Variants in IREB2 observed in about 807,000 individuals in gnomAD.
The protein encoded by IREB2 is iron responsive element binding protein 2.
Under a neutral mutation model 118.8 loss-of-function variants are expected in IREB2, and 39 were observed. That is an observed-to-expected ratio of 0.33 (90% confidence interval 0.25 to 0.43). IREB2 has a LOEUF of 0.43. Ranked by LOEUF, IREB2 falls within the 20% of genes least tolerant of loss-of-function variation. IREB2 has a pLI of 1.00. For missense variants in IREB2, 900 were observed against 1,147.3 expected (o/e 0.78, Z 3.11); for synonymous variants, 372 against 392.2 (o/e 0.95, Z 0.61).
intron 3 of IREB2, among the ~76,000 whole-genome samples, chr15:78,464,960 A>G (rs1270496029): frequency 2.0e-5 from 3 of 152,192 alleles, no homozygotes; most frequent in Non-Finnish European, 4.4e-5. Context: ...AGGTGCATCA[A>G]AAAAATACAT....
chr15:78,437,984 T>C (rs2050778123), upstream of IREB2, among the ~76,000 whole-genome samples: 1 of 152,194 alleles, frequency 6.6e-6, no homozygotes, highest in African/African-American at 2.4e-5. Flanking sequence ...CGCAACTAAG[T>C]AACGGATCGC....
chr15:78,496,738 C>T (rs2051844245), intron 20 of IREB2, among the ~76,000 whole-genome samples: 1 of 152,052 alleles, frequency 6.6e-6, no homozygotes, highest in Admixed American at 6.6e-5. Flanking sequence ...CCCTATATAC[C>T]TTCTTTATTC....
chr15:78,451,910 G>A (rs181901960), intron 2 of IREB2, among the ~76,000 whole-genome samples: 5 of 152,120 alleles, frequency 3.3e-5, no homozygotes, highest in East Asian at 1.9e-4. Flanking sequence ...TGATCCACTC[G>A]CCTCAACCTC....
intron 2 of IREB2, among the ~76,000 whole-genome samples, chr15:78,445,140 T>TA (rs1555448660): frequency 0.035 from 5,116 of 145,054 alleles, 130 homozygotes; most frequent in African/African-American, 0.056. Context: ...GTCTTTATTT[T>TA]TTTTTTTTTT....
At position 78,481,522 on chromosome 15, in the gene IREB2, A is replaced by ATTTT. The variant is rs145058390; in HGVS notation, c.1297-1783_1297-1780dup. Among the ~76,000 whole-genome samples, 499 of 137,942 alleles carry ATTTT rather than the reference A, an allele frequency of 3.6e-3. 5 individuals are homozygous for ATTTT. Among genetic ancestry groups the ATTTT allele is most frequent in the African/African-American group, 0.011 (422 of 37,166 alleles). The allele number at this position is 137,942 out of a possible 152,430, so 90.5% of individuals were successfully genotyped here. On this transcript the variant is annotated intron_variant, in intron 10 of 21. Transcript: ENST00000258886. The stretch of plus-strand genomic sequence containing the variant: ...AGGTGCCCGCCACCACACCTCGCTA[A>ATTTT]TTTTTTTTTTTTTTTTGTATTTTTA...
intron 2 of IREB2, among the ~76,000 whole-genome samples, chr15:78,447,182 T>TC (rs1020052670): frequency 1.3e-5 from 2 of 149,754 alleles, no homozygotes; most frequent in Non-Finnish European, 3.0e-5. Flanking sequence ...TTTCTTTCTT[T>TC]TTTTTTTTTT....
In IREB2 at chr15:78,486,536, C is replaced by T. The variant is rs142464705; in HGVS notation, c.1709+696C>T. 7.8e-3 allele frequency among the ~76,000 whole-genome samples: 1,181 copies of T among 152,054 alleles called. 10 individuals are homozygous for T. The highest frequency in any genetic ancestry group is 0.038 in the Admixed American group (582 of 15,260). On this transcript the variant is annotated intron_variant, in intron 13 of 21. Transcript: ENST00000258886. ...AGAAGAATTGCTTTAACCTGGGAAG[C>T]GGAGGTTGCAGTGAACCCAGATCGT... is the stretch of plus-strand genomic sequence containing the variant.
intron 20 of IREB2, among the ~76,000 whole-genome samples, chr15:78,494,542 A>G (rs1374302349): frequency 6.6e-6 from 1 of 152,098 alleles, no homozygotes; most frequent in Non-Finnish European, 1.5e-5. Context: ...GTTTTAAACT[A>G]TTGTTTTATA....
Position 78,471,860 on chromosome 15 carries a change from A to C in IREB2, c.819A>C (p.Pro273=). 1.2e-6 allele frequency: 2 copies of C among 1,613,764 alleles called. No individual in the cohort carries two copies. Among genetic ancestry groups the C allele is most frequent in the South Asian group, 2.2e-5 (2 of 90,988 alleles). ...VVFEEKDLLF[P]DSVVGTDSHI... ...TTGAAGAAAAAGACCTCCTCTTCCCAGACAGTGTAGTCGGCACAGATTCAC... is the reference window on the plus strand; with the variant it reads ...TTGAAGAAAAAGACCTCCTCTTCCCCGACAGTGTAGTCGGCACAGATTCAC... Residue 273 remains proline (P), a synonymous_variant, in exon 7 of 22, where the codon CCA becomes CCC. Transcript: ENST00000258886.
At chr15:78,489,644 A>C (rs577657581) in intron 16 of IREB2, among the ~76,000 whole-genome samples, 21 of 152,102 alleles carry the variant, frequency 1.4e-4, no homozygotes, top group African/African-American at 4.6e-4. Context: ...CCTCCTGAGT[A>C]GCTGGGGCCA....
chr15:78,454,397 G>C (rs1052580500), intron 2 of IREB2, among the ~76,000 whole-genome samples: 3 of 152,076 alleles, frequency 2.0e-5, no homozygotes, highest in African/African-American at 7.2e-5. Flanking sequence ...ACTGTAAAAA[G>C]CAGGCTTAGT....
chr15:78,462,824 T>A, intron 2 of IREB2, 98 bp from the exon 3 acceptor site: 1 of 833,788 alleles, frequency 1.2e-6, no homozygotes, highest in Non-Finnish European at 1.8e-6. Flanking sequence ...GAGAAAACAG[T>A]GCATTTTTGT....
intron 5 of IREB2, among the ~76,000 whole-genome samples, chr15:78,468,941 T>G (rs2051329608): frequency 6.6e-6 from 1 of 152,228 alleles, no homozygotes; most frequent in South Asian, 2.1e-4. Flanking sequence ...AAAGGAAGAT[T>G]TATTGATTCA....
chr15:78,474,286 C>T (rs2051427886), intron 8 of IREB2: 2 of 152,300 alleles, frequency 1.3e-5, no homozygotes, highest in South Asian at 4.1e-4. Context: ...CGAAGGCTTT[C>T]CGGATACTCC....
At position 78,499,799 on chromosome 15, in the gene IREB2, A is replaced by T. The variant is rs1224081806; in HGVS notation, c.*1656A>T. On this transcript the variant is annotated 3_prime_UTR_variant, in exon 22 of 22. Coordinates refer to ENST00000258886, the MANE Select transcript of IREB2 (RefSeq NM_004136.4). The stretch of plus-strand genomic sequence containing the variant: ...ACAGGTTGAAAGATGAAATGCCTGT[A>T]TGTGCTCTGAAGAAATGGTAATTCC... The T allele has an allele frequency of 2.0e-5, 3 of 152,230 alleles. No individual in the cohort carries two copies. The highest frequency in any genetic ancestry group is 7.2e-5 in the African/African-American group (3 of 41,464). 9.4% of individuals were successfully genotyped at this position (152,230 alleles called of 1,614,324 possible).
At chr15:78,486,665 TTGTG>T (rs1424647780) in intron 13 of IREB2, among the ~76,000 whole-genome samples, 2 of 152,266 alleles carry the variant, frequency 1.3e-5, no homozygotes, top group African/African-American at 4.8e-5. Flanking sequence ...TTGATGCTAG[TTGTG>T]TGGGGATTTT....
chr15:78,488,544 C>A (rs2051697337), intron 15 of IREB2, 103 bp from the exon 16 acceptor site: 6 of 1,198,702 alleles, frequency 5.0e-6, no homozygotes, highest in African/African-American at 1.6e-5. Flanking sequence ...CTGAAGCACC[C>A]TGTTGAATCA....
intron 18 of IREB2, among the ~76,000 whole-genome samples, chr15:78,493,163 A>G (rs747238344): frequency 6.6e-6 from 1 of 151,938 alleles, no homozygotes; most frequent in Non-Finnish European, 1.5e-5. Context: ...AGTCAACACA[A>G]TGTGGGTACA....
In IREB2 at chr15:78,478,289, C is replaced by T. The variant is rs371462066; in HGVS notation, c.1196-8C>T. On this transcript the variant is annotated splice_region_variant and splice_polypyrimidine_tract_variant and intron_variant, in intron 9 of 21. Transcript: ENST00000258886. ...TGCATTTTGTTGTTTTGTTCATCTT[C>T]GTTTTAGGTTTTAGCAAAGCCAAAC... 4 of 1,565,486 alleles carry T rather than the reference C, an allele frequency of 2.6e-6. No individual in the cohort carries two copies. The highest frequency in any genetic ancestry group is 1.1e-5 in the South Asian group (1 of 88,916).
Sources: gnomAD v4.1 joint callset for allele counts (sites outside exome capture counted in the v4.1 genomes callset) on GRCh38, gnomAD v4.1.1 for gene constraint, MANE v1.5 for transcripts, NCBI Gene and HGNC (gene_info 2026-07-23, HGNC 2026-07-21) for gene names.